CD70: variants seen among roughly 807,000 people sequenced by gnomAD.
CD70 encodes the protein CD70 antigen.
Under a neutral mutation model 9.0 loss-of-function variants are expected in CD70, and 6 were observed. The observed-to-expected ratio is 0.67, with a 90% CI of 0.37 to 1.32. The LOEUF (loss-of-function observed/expected upper bound fraction) is 1.32, where lower values mean the gene tolerates loss of function less well. Ranked by LOEUF, CD70 falls within the 40% of genes most tolerant of loss-of-function variation. The pLI is 0.02. For missense variants in CD70, 235 were observed against 258.7 expected (o/e 0.91, Z 0.63); for synonymous variants, 108 against 112.3 (o/e 0.96, Z 0.24).
At chr19:6,583,680 T>C, downstream of CD70, among the ~76,000 whole-genome samples, 1 of 151,046 alleles carries the variant, frequency 6.6e-6, no homozygotes, top group African/African-American at 2.4e-5. Flanking sequence ...TGTCTCAGCC[T>C]CCCTAGTAGC....
downstream of CD70, among the ~76,000 whole-genome samples, chr19:6,584,102 G>T (rs1915971017): frequency 7.0e-6 from 1 of 142,968 alleles, no homozygotes; most frequent in Non-Finnish European, 1.5e-5. Flanking sequence ...CTGTAGTCTT[G>T]ATTTTTATCC....
chr19:6,587,412 A>T (rs1260213919), intron 2 of CD70, among the ~76,000 whole-genome samples: 1 of 150,080 alleles, frequency 6.7e-6, no homozygotes, highest in African/African-American at 2.5e-5. Context: ...GAGAGAGTGC[A>T]TGGGAGAGTG....
Position 6,590,434 on chromosome 19 carries a change from G to C in CD70, c.163-298C>G, listed in dbSNP as rs974288111. Among the ~76,000 whole-genome samples, 2 of 152,172 alleles carry C rather than the reference G, an allele frequency of 1.3e-5. No individual in the cohort carries two copies. Among genetic ancestry groups the C allele is most frequent in the Non-Finnish European group, 2.9e-5 (2 of 68,016 alleles). On this transcript the variant is annotated intron_variant, in intron 1 of 2. Coordinates refer to ENST00000245903, the MANE Select transcript of CD70 (RefSeq NM_001252.5). The surrounding 1 kb of genome is among the most constrained non-coding windows in gnomAD (Gnocchi z 5.3). ...GCACCGCGCGCAGCGGACTCTCTAC[G>C]CTGCAAAGGCGCCCGGCGCGGTCCC...
At chr19:6,581,663 A>G (rs60657995), downstream of CD70, among the ~76,000 whole-genome samples, 758 of 152,256 alleles carry the variant, frequency 5.0e-3, 5 homozygotes, top group African/African-American at 0.017. Context: ...AAAAAATTCT[A>G]TTTTATATTC....
downstream of CD70, among the ~76,000 whole-genome samples, chr19:6,582,160 C>G (rs11085182): frequency 6.6e-6 from 1 of 150,870 alleles, no homozygotes; most frequent in South Asian, 2.1e-4. Flanking sequence ...CTCCAAGTCG[C>G]GGGGACTACA....
downstream of CD70, chr19:6,583,127 G>C: frequency 2.2e-6 from 1 of 447,438 alleles, no homozygotes; most frequent in East Asian, 3.4e-5. Flanking sequence ...TCCCCTTCTA[G>C]AAGTGAGATC....
At chr19:6,582,350 T>TTTTTC (rs1915934129), downstream of CD70, among the ~76,000 whole-genome samples, 1 of 6,036 alleles carries the variant, frequency 1.7e-4, no homozygotes, top group Admixed American at 1.5e-3. Flanking sequence ...AGTCAAATCT[T>TTTTTC]TTTTTTTTTT....
intron 2 of CD70, among the ~76,000 whole-genome samples, chr19:6,587,353 C>T (rs1446837759): frequency 6.7e-6 from 1 of 149,672 alleles, no homozygotes; most frequent in East Asian, 2.0e-4. Flanking sequence ...TGAGAGAGGA[C>T]GAGAGAGCTT....
chr19:6,585,540 C>T (rs560861022), downstream of CD70, among the ~76,000 whole-genome samples: 1 of 151,024 alleles, frequency 6.6e-6, no homozygotes, highest in African/African-American at 2.4e-5. Flanking sequence ...GGGGGTCTCA[C>T]TATGTTGCCC....
chr19:6,586,535 A>G (rs1916022262), intron 2 of CD70, 130 bp from the exon 3 acceptor site: 6 of 1,038,980 alleles, frequency 5.8e-6, no homozygotes, highest in Non-Finnish European at 8.1e-6. Flanking sequence ...GTGGTGGCTC[A>G]TGCCTGAAAT....
At chr19:6,585,639 G>A (rs8110581), downstream of CD70, among the ~76,000 whole-genome samples, 4,105 of 151,766 alleles carry the variant, frequency 0.027, 170 homozygotes, top group Admixed American at 0.12. Context: ...ACTGTGCCCA[G>A]CCCACTTCCT....
downstream of CD70, among the ~76,000 whole-genome samples, chr19:6,584,206 G>A (rs561656523): frequency 1.4e-4 from 21 of 150,966 alleles, no homozygotes; most frequent in Admixed American, 2.6e-4. Context: ...TCACTGAGGT[G>A]ATGCATAAAA....
At chr19:6,588,882 G>T (rs1259645337) in intron 2 of CD70, among the ~76,000 whole-genome samples, 2 of 152,168 alleles carry the variant, frequency 1.3e-5, no homozygotes, top group Non-Finnish European at 2.9e-5. Flanking sequence ...TGTCTGTTTT[G>T]TGCGCGACTG....
At chr19:6,589,646 T>A (rs1342228012) in intron 2 of CD70, among the ~76,000 whole-genome samples, 2 of 152,026 alleles carry the variant, frequency 1.3e-5, no homozygotes, top group Admixed American at 1.3e-4. Context: ...CGCCGCGCCC[T>A]CCGAAAGCGC....
chr19:6,583,462 C>T (rs2145317294), downstream of CD70: 3 of 646,260 alleles, frequency 4.6e-6, no homozygotes, highest in South Asian at 5.2e-5. Context: ...GTCCCCAGTT[C>T]CAAAATCCAA....
At position 6,586,250 on chromosome 19, in the gene CD70, T is replaced by G. The variant is rs145060542; in HGVS notation, c.352A>C (p.Thr118Pro). 2 of 1,613,934 alleles carry G rather than the reference T, an allele frequency of 1.2e-6. No individual in the cohort carries two copies. The highest frequency in any genetic ancestry group is 4.5e-5 in the East Asian group (2 of 44,868). Residue 118 changes from threonine (T) to proline (P), a missense_variant, in exon 3 of 3, where the codon ACG becomes CCG. Physicochemically the swap from Thr to Pro is conservative, Grantham distance 38. Coordinates refer to ENST00000245903, the MANE Select transcript of CD70 (RefSeq NM_001252.5). The stretch of plus-strand genomic sequence containing the variant: ...GTGGGGTGGTGCCTGGAGGCCGTCG[T>G]GGAGGAGCAGATGGCCAGCGTCACC... Reference protein sequence around the residue: ...IQVTLAICSSTTASRHHPTTL... With the variant: ...IQVTLAICSSPTASRHHPTTL...
chr19:6,585,623 T>G (rs1173509264), downstream of CD70, among the ~76,000 whole-genome samples: 1 of 152,134 alleles, frequency 6.6e-6, no homozygotes, highest in African/African-American at 2.4e-5. Context: ...ATTACAGGCA[T>G]GAGCCACTGT....
chr19:6,586,192 G>A lies in CD70; in HGVS notation c.410C>T (p.Ser137Phe), dbSNP rs1475979468. 6.2e-7 allele frequency: 1 copy of A among 1,614,160 alleles called. No homozygotes were observed. Among genetic ancestry groups the A allele is most frequent in the East Asian group, 2.2e-5 (1 of 44,868 alleles). Residue 137 changes from serine (S) to phenylalanine (F), a missense_variant, in exon 3 of 3, where the codon TCC becomes TTC. Physicochemically the swap from Ser to Phe is radical, Grantham distance 155 (BLOSUM62 -2). Transcript: ENST00000245903. Reference protein sequence around the residue: ...TLAVGICSPASRSISLLRLSF... With the variant: ...TLAVGICSPAFRSISLLRLSF... ...GAGACGCAGCAGGCTGATGCTACGG[G>A]AGGCGGGAGAGCAGATTCCCACGGC...
At chr19:6,585,049 C>T (rs546860479), downstream of CD70, among the ~76,000 whole-genome samples, 29 of 152,114 alleles carry the variant, frequency 1.9e-4, no homozygotes, top group African/African-American at 6.5e-4. Context: ...TGCAATGACG[C>T]GATCTTGGCT....
Sources: gnomAD v4.1 joint callset for allele counts (sites outside exome capture counted in the v4.1 genomes callset) on GRCh38, gnomAD v4.1.1 for gene constraint, Gnocchi (gnomAD v3.1) non-coding constraint, MANE v1.5 for transcripts, NCBI Gene and HGNC (gene_info 2026-07-23, HGNC 2026-07-21) for gene names.